The following KCND2 variants were observed in gnomAD, a reference collection of about 807,000 sequenced individuals.
KCND2 encodes the protein A-type voltage-gated potassium channel KCND2.
KCND2 carries 16 observed loss-of-function variants against 54.4 expected under a neutral mutation model. That is an observed-to-expected ratio of 0.29 (90% confidence interval 0.20 to 0.45). KCND2 has a LOEUF of 0.45. KCND2 is among the 20% of genes least tolerant of loss of function. KCND2 has a pLI of 1.00. For missense variants in KCND2, 486 were observed against 824.2 expected, an observed-to-expected ratio of 0.59 and a Z score of 5.02; for synonymous variants, 317 against 310.7, an observed-to-expected ratio of 1.02 and a Z score of -0.21.
rs367633670 is a variant in KCND2, at chr7:120,275,622, G to A, written c.990G>A (p.Ser330=). ...CASELGFLLF[S]LTMAIIIFAT... is the part of the protein sequence containing the mutation. ...CAGAATTGGGCTTCTTGCTTTTCTC[G>A]CTCACCATGGCTATCATCATCTTCG... The change falls in exon 1 of 6, where the codon TCG becomes TCA. Residue 330 remains serine (S), a synonymous_variant. Transcript: ENST00000331113. 4 of 1,610,042 alleles carry A rather than the reference G, an allele frequency of 2.5e-6. No homozygotes were observed. Among genetic ancestry groups the A allele is most frequent in the Non-Finnish European group, 2.5e-6 (3 of 1,179,978 alleles).
rs760226297 is a variant in KCND2 at position 120,338,437 on chromosome 7, G to A, written c.1115+62690G>A. Among the ~76,000 whole-genome samples the A allele has an allele frequency of 6.6e-5, 10 of 151,666 alleles. No individual in the cohort carries two copies. In the East Asian group the frequency reaches 7.7e-4, roughly 12 times the overall value. ...GGGCTTTGTTTTTTATCTAAATATCGTATGTTTTTGCTTCCATTCTTCAAC... is the reference window on the plus strand; with the variant it reads ...GGGCTTTGTTTTTTATCTAAATATCATATGTTTTTGCTTCCATTCTTCAAC... On this transcript the variant is annotated intron_variant, in intron 1 of 5. Coordinates refer to ENST00000331113, the MANE Select transcript of KCND2 (RefSeq NM_012281.3).
intron 1 of KCND2, among the ~76,000 whole-genome samples, chr7:120,319,365 A>G (rs1445596271): frequency 6.6e-6 from 1 of 152,102 alleles, no homozygotes; most frequent in Non-Finnish European, 1.5e-5. Flanking sequence ...CAAGTAAAAA[A>G]TGGGACACAT....
At chr7:120,722,539 A>G (rs755503531) in intron 1 of KCND2, among the ~76,000 whole-genome samples, 2 of 152,200 alleles carry the variant, frequency 1.3e-5, no homozygotes, top group Non-Finnish European at 2.9e-5. Context: ...GTGACACTTA[A>G]GGAGTAGATA....
chr7:120,535,722 TTTGACAAA>T (rs1169113414), intron 1 of KCND2, among the ~76,000 whole-genome samples: 4 of 152,138 alleles, frequency 2.6e-5, no homozygotes, highest in African/African-American at 9.7e-5. Context: ...ACGTTGATAT[TTTGACAAA>T]AGGGGCAACC....
At chr7:120,648,803 C>T (rs1259861760) in intron 1 of KCND2, among the ~76,000 whole-genome samples, 2 of 152,192 alleles carry the variant, frequency 1.3e-5, no homozygotes, top group East Asian at 3.8e-4. Flanking sequence ...TGTACTTCAA[C>T]TGAAATAGCA....
At chr7:120,439,460 G>A (rs181366654) in intron 1 of KCND2, among the ~76,000 whole-genome samples, 2 of 151,994 alleles carry the variant, frequency 1.3e-5, no homozygotes, top group African/African-American at 2.4e-5. Flanking sequence ...ATCAAATATG[G>A]GTAATTAGCA....
chr7:120,430,621 A>G (rs935700450), intron 1 of KCND2, among the ~76,000 whole-genome samples: 5 of 152,162 alleles, frequency 3.3e-5, no homozygotes, highest in African/African-American at 9.7e-5. Flanking sequence ...CACTTGTTCA[A>G]TTTTGGTATA....
intron 1 of KCND2, among the ~76,000 whole-genome samples, chr7:120,515,216 C>T (rs702416): frequency 0.24 from 36,667 of 151,862 alleles, 7,712 homozygotes; most frequent in African/African-American, 0.56. Context: ...TCCTCTTCTG[C>T]TTTTCTCACC....
At chr7:120,735,180 C>T (rs1217140555) in intron 2 of KCND2, among the ~76,000 whole-genome samples, 1 of 151,896 alleles carries the variant, frequency 6.6e-6, no homozygotes, top group South Asian at 2.1e-4. Flanking sequence ...GATCATCTAA[C>T]GAATAGGGAG....
At chr7:120,445,922 CTTTT>C in intron 1 of KCND2, among the ~76,000 whole-genome samples, 1 of 152,128 alleles carries the variant, frequency 6.6e-6, no homozygotes, top group Admixed American at 6.6e-5. Context: ...CCCAAGACAG[CTTTT>C]CAATCAAGCT....
At chr7:120,392,232 T>G (rs1434491740) in intron 1 of KCND2, among the ~76,000 whole-genome samples, 2 of 151,978 alleles carry the variant, frequency 1.3e-5, no homozygotes, top group Non-Finnish European at 2.9e-5. Context: ...TGTAGATGTG[T>G]GGTGTTATTT....
At position 120,536,100 on chromosome 7, in the gene KCND2, C is replaced by T. The variant is rs148595469; in HGVS notation, c.1116-196803C>T. 7.9e-3 allele frequency among the ~76,000 whole-genome samples: 1,209 copies of T among 152,170 alleles called. 19 individuals carry two copies. Among genetic ancestry groups the T allele is most frequent in the African/African-American group, 0.028 (1,153 of 41,522 alleles). ...TGTGTCGTTCAGTTCCACACAACCACAATAAAGTGAATATCTGAATAAAGC... is the reference window on the plus strand; with the variant it reads ...TGTGTCGTTCAGTTCCACACAACCATAATAAAGTGAATATCTGAATAAAGC... On this transcript the variant is annotated intron_variant, in intron 1 of 5. Transcript: ENST00000331113.
chr7:120,473,588 ACTC>A (rs1802490773), intron 1 of KCND2, among the ~76,000 whole-genome samples: 1 of 151,696 alleles, frequency 6.6e-6, no homozygotes, highest in Non-Finnish European at 1.5e-5. Flanking sequence ...TCAAACACCA[ACTC>A]CTGCTTAGCA....
At chr7:120,405,622 T>G (rs1318536808) in intron 1 of KCND2, among the ~76,000 whole-genome samples, 1 of 152,150 alleles carries the variant, frequency 6.6e-6, no homozygotes, top group African/African-American at 2.4e-5. Flanking sequence ...ATCATTCACA[T>G]GCACACAGTT....
chr7:120,687,055 C>T (rs1792211153), intron 1 of KCND2, among the ~76,000 whole-genome samples: 1 of 152,112 alleles, frequency 6.6e-6, no homozygotes, highest in African/African-American at 2.4e-5. Context: ...CTCTCCTACC[C>T]TGCTCATGTC....
At chr7:120,607,954 A>G (rs1202416221) in intron 1 of KCND2, among the ~76,000 whole-genome samples, 1 of 152,058 alleles carries the variant, frequency 6.6e-6, no homozygotes, top group East Asian at 1.9e-4. Flanking sequence ...TGTGAGAAAT[A>G]AGATTTAAAG....
intron 1 of KCND2, among the ~76,000 whole-genome samples, chr7:120,309,470 T>TACACAC (rs1476670794): frequency 1.4e-4 from 17 of 124,260 alleles, no homozygotes; most frequent in African/African-American, 4.2e-4. Flanking sequence ...TATATATATA[T>TACACAC]ATATACACAC....
intron 1 of KCND2, among the ~76,000 whole-genome samples, chr7:120,288,740 A>C (rs958764885): frequency 2.6e-5 from 4 of 152,118 alleles, no homozygotes; most frequent in Non-Finnish European, 5.9e-5. Context: ...TTGTGGTTAC[A>C]GGATTTTTGA....
intron 1 of KCND2, among the ~76,000 whole-genome samples, chr7:120,396,377 A>G (rs1195734433): frequency 6.6e-6 from 1 of 152,002 alleles, no homozygotes; most frequent in African/African-American, 2.4e-5. Context: ...GGCATATTTT[A>G]TGTTAAATGT....
Sources: gnomAD v4.1 joint callset for allele counts (sites outside exome capture counted in the v4.1 genomes callset) on GRCh38, gnomAD v4.1.1 for gene constraint, MANE v1.5 for transcripts, NCBI Gene and HGNC (gene_info 2026-07-23, HGNC 2026-07-21) for gene names.